NCKAP5: variants seen among roughly 807,000 people sequenced by gnomAD.
NCKAP5 encodes nck-associated protein 5.
A neutral mutation model predicts 167.0 loss-of-function variants in NCKAP5; 92 were observed. That is an observed-to-expected ratio of 0.55 (90% CI 0.47 to 0.66). The LOEUF is 0.66. Ranked by LOEUF, NCKAP5 falls within the 30% of genes least tolerant of loss-of-function variation. The pLI is 0.00. For synonymous variants in NCKAP5, 891 were observed against 877.4 expected (o/e 1.02, Z -0.27); for missense variants, 2,378 against 2,315.0 (o/e 1.03, Z -0.56).
In NCKAP5 at chr2:132,781,132, C is replaced by T. The variant is rs763025010; in HGVS notation, c.4969G>A (p.Gly1657Ser). Residue 1657 changes from glycine to serine, a missense_variant, in exon 15 of 20, where the codon GGC becomes AGC. Gly to Ser is a moderately conservative substitution (Grantham distance 56). This residue lies in a region of NCKAP5 where 1,325 missense variants were observed against 1,274.5 expected (regional missense o/e 1.04). Transcript: ENST00000409261. ...KGSSQGSCLI[G>S]SSISTQGNHK... ...TTTCCTTGAGTACTGATAGAGCTGC[C>T]GATGAGACAGGAGCCCTGAGAACTG... The T allele has an allele frequency of 3.7e-5, 59 of 1,613,824 alleles. No individual in the cohort carries two copies. Among genetic ancestry groups the T allele is most frequent in the East Asian group, 6.7e-5 (3 of 44,872 alleles).
rs373384379 is a variant in NCKAP5 at position 133,132,481 on chromosome 2, G to GCACACACACA, written c.208-2380_208-2371dup. ...TGCCTTTTAAAACATGAAAAAAAAA[G>GCACACACACA]CACACACACACACACACACACACAC... On this transcript the variant is annotated intron_variant, in intron 5 of 19. Transcript: ENST00000409261. Among the ~76,000 whole-genome samples, 171 of 130,050 alleles carry GCACACACACA rather than the reference G, an allele frequency of 1.3e-3. 1 individual carries two copies. Among genetic ancestry groups the GCACACACACA allele is most frequent in the African/African-American group, 4.3e-3 (150 of 34,558 alleles). 85.3% of individuals were successfully genotyped at this position (130,050 alleles called of 152,430 possible).
chr2:132,970,928 C>T (rs891935945), intron 7 of NCKAP5, among the ~76,000 whole-genome samples: 1 of 152,214 alleles, frequency 6.6e-6, no homozygotes, highest in African/African-American at 2.4e-5. Flanking sequence ...ACTTCTCCAT[C>T]TTCTAGTCAC....
Position 132,728,509 on chromosome 2 carries a change from G to A in NCKAP5, c.5580+307C>T, listed in dbSNP as rs183285334. ...ATAGAAAAAACATCATTCCAATGGC[G>A]CCCACATGGCTTGGGAGAGTGAATG... On this transcript the variant is annotated intron_variant, in intron 18 of 19. Coordinates refer to ENST00000409261, the MANE Select transcript of NCKAP5 (RefSeq NM_207363.3). Among the ~76,000 whole-genome samples the A allele has an allele frequency of 2.5e-3, 384 of 152,236 alleles. 3 individuals are homozygous for A. The highest frequency in any genetic ancestry group is 8.6e-3 in the African/African-American group (358 of 41,516).
intron 3 of NCKAP5, among the ~76,000 whole-genome samples, chr2:133,408,728 G>A (rs2151049230): frequency 6.6e-6 from 1 of 152,338 alleles, no homozygotes; most frequent in East Asian, 1.9e-4. Flanking sequence ...ACTGAACACA[G>A]AAACATGAGC....
At chr2:133,653,838 T>C in the NCKAP5 span, among the ~76,000 whole-genome samples, 4 of 152,120 alleles carry the variant, frequency 2.6e-5, no homozygotes, top group Non-Finnish European at 4.4e-5. Flanking sequence ...AAAACAGAAA[T>C]CAAAAGATCA....
intron 19 of NCKAP5, among the ~76,000 whole-genome samples, chr2:132,673,952 G>A (rs1684087731): frequency 6.6e-6 from 1 of 152,050 alleles, no homozygotes; most frequent in African/African-American, 2.4e-5. Flanking sequence ...TTTATACTGG[G>A]ATATTACTGT....
At chr2:133,668,498 G>A in the NCKAP5 span, among the ~76,000 whole-genome samples, 1 of 152,010 alleles carries the variant, frequency 6.6e-6, no homozygotes, top group East Asian at 1.9e-4. Flanking sequence ...GGTGCAAAGT[G>A]GTATCTAATT....
Position 132,782,567 on chromosome 2 carries a change from G to A in NCKAP5, c.4244C>T (p.Pro1415Leu). 1 of 1,583,186 alleles carries A rather than the reference G, an allele frequency of 6.3e-7. No homozygotes were observed. Among genetic ancestry groups the A allele is most frequent in the Non-Finnish European group, 8.6e-7 (1 of 1,164,534 alleles). ...TTCAGGGCAGTCTGTTGGGGTGGGT[G>A]GGCAACTGCGGCGGTCACTGCCTGG... ...GEPGSDRRSC[P>L]PTPTDCPEAL... is the part of the protein sequence containing the mutation. Residue 1415 changes from proline to leucine, a missense_variant, in exon 14 of 20, where the codon CCA (proline) becomes CTA (leucine). Pro to Leu is a moderately conservative substitution (Grantham distance 98, BLOSUM62 -3). Coordinates refer to ENST00000409261, the MANE Select transcript of NCKAP5 (RefSeq NM_207363.3).
chr2:132,823,219 CA>C (rs768384628), intron 11 of NCKAP5, among the ~76,000 whole-genome samples: 40 of 152,122 alleles, frequency 2.6e-4, no homozygotes, highest in Admixed American at 1.7e-3. Context: ...GAATTCATTG[CA>C]AAAAGATCAT....
chr2:133,670,686 T>C, the NCKAP5 span, among the ~76,000 whole-genome samples: 2 of 152,174 alleles, frequency 1.3e-5, no homozygotes, highest in Admixed American at 6.5e-5. Flanking sequence ...ATTTCATCAT[T>C]AGAGACTCAA....
At chr2:132,921,564 C>T (rs1695433690) in intron 8 of NCKAP5, among the ~76,000 whole-genome samples, 1 of 152,142 alleles carries the variant, frequency 6.6e-6, no homozygotes, top group Admixed American at 6.5e-5. Flanking sequence ...TGGGCATGCA[C>T]AGGAGGGATA....
At chr2:133,180,522 A>G (rs2084684559) in intron 5 of NCKAP5, among the ~76,000 whole-genome samples, 1 of 151,974 alleles carries the variant, frequency 6.6e-6, no homozygotes, top group African/African-American at 2.4e-5. Flanking sequence ...ATTTTTTTGT[A>G]GAGACGCGGT....
intron 3 of NCKAP5, among the ~76,000 whole-genome samples, chr2:133,328,308 G>A (rs759247664): frequency 3.3e-5 from 5 of 152,216 alleles, no homozygotes; most frequent in African/African-American, 4.8e-5. Flanking sequence ...ATAGAGGGTT[G>A]AGGCTTGGAG....
At chr2:133,175,025 C>A (rs2084399153) in intron 5 of NCKAP5, among the ~76,000 whole-genome samples, 1 of 152,160 alleles carries the variant, frequency 6.6e-6, no homozygotes, top group African/African-American at 2.4e-5. Context: ...GCATCACCAA[C>A]AGAATGTGGT....
intron 8 of NCKAP5, among the ~76,000 whole-genome samples, chr2:132,906,361 A>G (rs944105292): frequency 6.6e-6 from 1 of 152,202 alleles, no homozygotes; most frequent in Non-Finnish European, 1.5e-5. Context: ...CAACAAAATT[A>G]CAGAAGCAGA....
intron 3 of NCKAP5, among the ~76,000 whole-genome samples, chr2:133,421,399 G>A (rs756251064): frequency 6.6e-6 from 1 of 152,134 alleles, no homozygotes; most frequent in African/African-American, 2.4e-5. Flanking sequence ...CCTCACCTGA[G>A]CATTCAAAAT....
chr2:133,538,361 T>C (rs72992334), intron 2 of NCKAP5, among the ~76,000 whole-genome samples: 13,142 of 152,138 alleles, frequency 0.086, 937 homozygotes, highest in African/African-American at 0.2. Context: ...TCAGGGGAAA[T>C]TAAAATACAT....
intron 3 of NCKAP5, among the ~76,000 whole-genome samples, chr2:133,415,496 G>A (rs539857960): frequency 2.0e-5 from 3 of 152,332 alleles, no homozygotes; most frequent in African/African-American, 7.2e-5. Context: ...TAGCCAGCTG[G>A]CAGAGCAGCT....
At chr2:133,658,828 G>T in the NCKAP5 span, among the ~76,000 whole-genome samples, 1 of 152,070 alleles carries the variant, frequency 6.6e-6, no homozygotes, top group African/African-American at 2.4e-5. Flanking sequence ...GTCCTTGACT[G>T]TGGCTTCTTA....
Sources: allele counts gnomAD v4.1 joint callset (sites outside exome capture counted in the v4.1 genomes callset), GRCh38; gene constraint gnomAD v4.1.1; regional missense constraint gnomAD v4.1.1; transcripts MANE v1.5; gene names NCBI Gene and HGNC (gene_info 2026-07-23, HGNC 2026-07-21).